Variants in DNMT3A observed in about 807,000 individuals in gnomAD.
DNMT3A encodes the protein DNA methyltransferase 3 alpha.
A neutral mutation model predicts 117.6 loss-of-function variants in DNMT3A; 267 were observed. The ratio of observed to expected loss-of-function variants is 2.27; its 90% CI spans 2.05 to 2.51. The LOEUF (loss-of-function observed/expected upper bound fraction) is 2.51, where lower values mean the gene tolerates loss of function less well. Among genes scored for constraint, DNMT3A ranks in the 30% most tolerant of loss-of-function variants. DNMT3A has a pLI of 0.00. For missense variants in DNMT3A, 1,029 were observed against 1,260.2 expected (o/e 0.82, Z 2.78); for synonymous variants, 432 against 474.8 (o/e 0.91, Z 1.17).
Position 25,282,740 on chromosome 2 carries a change from G to A in DNMT3A, c.178-29C>T. 1 of 1,513,274 alleles carries A rather than the reference G, an allele frequency of 6.6e-7. No individual in the cohort carries two copies. Among genetic ancestry groups the A allele is most frequent in the Non-Finnish European group, 8.8e-7 (1 of 1,130,316 alleles). The allele number at this position is 1,513,274 out of a possible 1,614,324, so 93.7% of individuals were successfully genotyped here. A position where few individuals can be genotyped will look rare whatever the true frequency, so the allele number is the denominator to read the frequency against. On this transcript the variant is annotated intron_variant, in intron 3 of 22. Coordinates refer to ENST00000321117, the MANE Select transcript of DNMT3A (RefSeq NM_022552.5). This position sits in a 1 kb window ranked among gnomAD's most constrained non-coding sequence, Gnocchi z 5.2. ...CAAATGTAAGAAAGATACACAAGAG[G>A]AGGGTTAGATCAGTGGGCTTAGCCT... is the stretch of plus-strand genomic sequence containing the variant.
chr2:25,230,242 GC>G lies in DNMT3A; in HGVS notation c.*4036del, dbSNP rs111346517. 3.3e-5 allele frequency: 5 copies of G among 152,302 alleles called. No individual in the cohort carries two copies. The highest frequency in any genetic ancestry group is 4.4e-5 in the Non-Finnish European group (3 of 68,108). 9.4% of individuals were successfully genotyped at this position (152,302 alleles called of 1,614,324 possible). ...AGACCCCTGCTAGTGCCCGCCTGCGGCCCCCCAGTCTGCCGGTGCACCAGCC... is the reference window on the plus strand; with the variant it reads ...AGACCCCTGCTAGTGCCCGCCTGCGGCCCCCAGTCTGCCGGTGCACCAGCC... On this transcript the variant is annotated 3_prime_UTR_variant, in exon 23 of 23. Coordinates refer to ENST00000321117, the MANE Select transcript of DNMT3A (RefSeq NM_022552.5).
chr2:25,241,652 C>A lies in DNMT3A; in HGVS notation c.1992G>T (p.Glu664Asp). ...GIQVDRYIAS[E>D]VCEDSITVGM... ...CCACCGTGATGGAGTCCTCACACAC[C>A]TCCGAGGCAATGTAGCGGTCCACCT... The change falls in exon 17 of 23, where the codon GAG becomes GAT. Residue 664 changes from glutamate (E) to aspartate (D), a missense_variant. Coordinates refer to ENST00000321117, the MANE Select transcript of DNMT3A (RefSeq NM_022552.5). The A allele has an allele frequency of 6.2e-7, 1 of 1,614,174 alleles. No homozygotes were observed. Among genetic ancestry groups the A allele is most frequent in the Non-Finnish European group, 8.5e-7 (1 of 1,180,024 alleles).
chr2:25,260,346 C>T (rs562979237), intron 6 of DNMT3A, among the ~76,000 whole-genome samples: 2 of 152,308 alleles, frequency 1.3e-5, no homozygotes, highest in South Asian at 4.1e-4. Flanking sequence ...GCTTCTGCTC[C>T]AGGAGTGTGC....
intron 22 of DNMT3A, 83 bp downstream of exon 22, chr2:25,235,624 G>A (rs768045575): frequency 3.7e-6 from 4 of 1,095,120 alleles, no homozygotes; most frequent in African/African-American, 1.6e-5. Flanking sequence ...AACAAGTCAG[G>A]TGGGAAAGGC....
In DNMT3A at chr2:25,233,805, A is replaced by C. The variant is rs1022285663; in HGVS notation, c.*474T>G. The C allele has an allele frequency of 1.1e-4, 26 of 227,116 alleles. 1 individual carries two copies. The highest frequency in any genetic ancestry group is 6.3e-4 in the Admixed American group (11 of 17,516). The allele number at this position is 227,116 out of a possible 1,614,324, so 14.1% of individuals were successfully genotyped here. ...AAAAAAAAAAACAAAAAACAAAAAAAAAAACAACCCAATATATAGATTTCT... is the reference window on the plus strand; with the variant it reads ...AAAAAAAAAAACAAAAAACAAAAAACAAAACAACCCAATATATAGATTTCT... On this transcript the variant is annotated 3_prime_UTR_variant, in exon 23 of 23. Coordinates refer to ENST00000321117, the MANE Select transcript of DNMT3A (RefSeq NM_022552.5).
At chr2:25,288,125 C>A (rs1234408767) in intron 3 of DNMT3A, among the ~76,000 whole-genome samples, 1 of 146,416 alleles carries the variant, frequency 6.8e-6, no homozygotes, top group African/African-American at 2.5e-5. Flanking sequence ...CATGAGCCAC[C>A]ATGCCTGGCT....
chr2:25,300,711 TAATATATATATATATATATATA>T (rs1235438303), intron 2 of DNMT3A, among the ~76,000 whole-genome samples: 2 of 42,052 alleles, frequency 4.8e-5, no homozygotes, highest in African/African-American at 2.1e-4. Context: ...CTAAATAATA[TAATATATATATATATATATATA>T]TATATATATA....
chr2:25,340,366 G>C (rs1479014753), intron 1 of DNMT3A, among the ~76,000 whole-genome samples: 4 of 152,192 alleles, frequency 2.6e-5, no homozygotes, highest in Non-Finnish European at 5.9e-5. Flanking sequence ...TGGCAGAGGG[G>C]CGCTGGGGTG....
At position 25,313,995 on chromosome 2, in the gene DNMT3A, G is replaced by A. The variant is rs763926459; in HGVS notation, c.-11C>T. On this transcript the variant is annotated 5_prime_UTR_variant, in exon 2 of 23. Transcript: ENST00000321117. ...GGGCATGGCGGGCATCTGGGCGCCGGGAGGCAGGCTGGGGCTGCGCGGGGC... is the reference window on the plus strand; with the variant it reads ...GGGCATGGCGGGCATCTGGGCGCCGAGAGGCAGGCTGGGGCTGCGCGGGGC... The A allele has an allele frequency of 6.5e-7, 1 of 1,540,216 alleles. No homozygotes were observed. The highest frequency in any genetic ancestry group is 2.0e-5 in the Admixed American group (1 of 49,950).
At chr2:25,295,770 A>G (rs2033050446) in intron 3 of DNMT3A, among the ~76,000 whole-genome samples, 1 of 152,338 alleles carries the variant, frequency 6.6e-6, no homozygotes, top group African/African-American at 2.4e-5. Context: ...GCGGTCCCCA[A>G]CTACCTCACG....
intron 2 of DNMT3A, among the ~76,000 whole-genome samples, chr2:25,302,470 C>T (rs552635680): frequency 5.9e-5 from 9 of 152,302 alleles, no homozygotes; most frequent in South Asian, 4.1e-4. Context: ...TGGGGAGCCC[C>T]GTGCCGTCTG....
At chr2:25,290,348 T>G (rs1253650713) in intron 3 of DNMT3A, among the ~76,000 whole-genome samples, 6 of 146,808 alleles carry the variant, frequency 4.1e-5, no homozygotes, top group African/African-American at 1.6e-4. Context: ...TGAGACGCAG[T>G]CTCACTCTGT....
intron 6 of DNMT3A, among the ~76,000 whole-genome samples, chr2:25,273,920 C>T (rs2031169198): frequency 6.6e-6 from 1 of 152,214 alleles, no homozygotes; most frequent in Admixed American, 6.5e-5. Flanking sequence ...CCATGTGGCC[C>T]AGAAATGTCG....
chr2:25,314,237 A>G, intron 1 of DNMT3A, 76 bp from the exon 2 acceptor site: 1 of 1,358,688 alleles, frequency 7.4e-7, no homozygotes, highest in Non-Finnish European at 9.5e-7. Flanking sequence ...CCAGGGCCAC[A>G]CCTGGCCTGT....
At chr2:25,275,427 T>TCA in intron 5 of DNMT3A, 73 bp downstream of exon 5, 1 of 606,070 alleles carries the variant, frequency 1.6e-6, no homozygotes, top group Non-Finnish European at 2.4e-6. Context: ...CTCCGCCCCC[T>TCA]CACACACACT....
chr2:25,300,039 G>A lies in DNMT3A; in HGVS notation c.177+100C>T, dbSNP rs909227326. Reference sequence around the variant, plus strand: ...TATACCCCATCACCTGGTCTTAAATGTCTCCAGGTCCCTGCAGGACATACA... The same window carrying A: ...TATACCCCATCACCTGGTCTTAAATATCTCCAGGTCCCTGCAGGACATACA... On this transcript the variant is annotated intron_variant, in intron 3 of 22. Coordinates refer to ENST00000321117, the MANE Select transcript of DNMT3A (RefSeq NM_022552.5). The A allele has an allele frequency of 3.2e-6, 4 of 1,268,800 alleles. No homozygotes were observed. In the African/African-American group the frequency reaches 6.0e-5, roughly 19 times the overall value. 78.6% of individuals were successfully genotyped at this position (1,268,800 alleles called of 1,614,324 possible).
intron 6 of DNMT3A, among the ~76,000 whole-genome samples, chr2:25,259,881 A>C (rs747710615): frequency 2.0e-5 from 3 of 152,236 alleles, no homozygotes; most frequent in Non-Finnish European, 4.4e-5. Context: ...TGAAAACAGC[A>C]GGACCCCTGC....
At chr2:25,284,971 A>C (rs2032191102) in intron 3 of DNMT3A, among the ~76,000 whole-genome samples, 1 of 152,190 alleles carries the variant, frequency 6.6e-6, no homozygotes, top group African/African-American at 2.4e-5. Flanking sequence ...CCCAGTGCAG[A>C]TGGATCTGGA....
chr2:25,234,028 A>C lies in DNMT3A; in HGVS notation c.*251T>G. On this transcript the variant is annotated 3_prime_UTR_variant, in exon 23 of 23. Transcript: ENST00000321117. This position sits in a 1 kb window ranked among gnomAD's most constrained non-coding sequence, Gnocchi z 4.5. ...AAAAAAGGGAAGGGGGAGGAAGGGA[A>C]GGGAGCTTGGTTTTGTTTTTAAATA... 1 of 368,512 alleles carries C rather than the reference A, an allele frequency of 2.7e-6. No individual in the cohort carries two copies. 22.8% of individuals were successfully genotyped at this position (368,512 alleles called of 1,614,324 possible). A position where few individuals can be genotyped will look rare whatever the true frequency, so the allele number is the denominator to read the frequency against.
Sources: gnomAD v4.1 joint callset for allele counts (sites outside exome capture counted in the v4.1 genomes callset) on GRCh38, gnomAD v4.1.1 for gene constraint, Gnocchi (gnomAD v3.1) non-coding constraint, MANE v1.5 for transcripts, NCBI Gene and HGNC (gene_info 2026-07-23, HGNC 2026-07-21) for gene names.